Variants in DNHD1 observed in about 807,000 individuals in gnomAD.
DNHD1 encodes dynein heavy chain domain 1.
In DNHD1, 383 loss-of-function variants were observed where a neutral mutation model predicts 458.1. That is an observed-to-expected ratio of 0.84 (90% CI 0.77 to 0.91). The LOEUF (loss-of-function observed/expected upper bound fraction) is 0.91, where lower values mean the gene tolerates loss of function less well. Among genes scored for constraint, DNHD1 ranks in the 40% least tolerant of loss-of-function variants. The probability of loss-of-function intolerance (pLI) is 0.00; values close to 1 mark genes in which losing one functional copy is unlikely to be tolerated. For missense variants in DNHD1, 5,336 were observed against 5,866.1 expected (o/e 0.91, Z 2.95); for synonymous variants, 2,203 against 2,376.9 (o/e 0.93, Z 2.13).
Position 6,533,947 on chromosome 11 carries a change from GTT to G in DNHD1, c.2773_2774del (p.Phe925ProfsTer46). 1 of 1,551,244 alleles carries G rather than the reference GTT, an allele frequency of 6.4e-7. No individual in the cohort carries two copies. The highest frequency in any genetic ancestry group is 8.7e-7 in the Non-Finnish European group (1 of 1,146,944). On this transcript the variant is annotated frameshift_variant, in exon 14 of 43. Coordinates refer to ENST00000254579, the MANE Select transcript of DNHD1 (RefSeq NM_144666.3). LOFTEE classifies it high-confidence loss of function. ...AGTTTGAGAAAAGCCAGGCTTCAGA[GTT>G]CCTGCTCAGCAAGCGACATGCCATT... ...FQFEKSQASE[F>X]LLSKRHAIMP...
intron 12 of DNHD1, 104 bp from the exon 13 acceptor site, chr11:6,532,923 G>T: frequency 9.5e-7 from 1 of 1,058,144 alleles, no homozygotes; most frequent in South Asian, 1.6e-5. Context: ...GATAATTCAT[G>T]GTCTGACCTG....
In DNHD1 at chr11:6,570,194, C is replaced by T. The variant is rs139243337; in HGVS notation, c.12956-53C>T. ...ATACAATTCACAGCTTTGGTTTTGG[C>T]GGTGGTGGAAACTGAAGGTACTGGA... On this transcript the variant is annotated intron_variant, in intron 40 of 42. Transcript: ENST00000254579. 1,063 of 1,613,264 alleles carry T rather than the reference C, an allele frequency of 6.6e-4. 10 individuals are homozygous for T. In the African/African-American group the frequency reaches 0.011, roughly 17 times the overall value.
rs759783151 is a variant in DNHD1, at chr11:6,563,934, G to A, written c.10094G>A (p.Gly3365Asp). Reference protein sequence around the residue: ...ATLTREQARLGYYQFQAQETL... With the variant: ...ATLTREQARLDYYQFQAQETL... ...CTCACTCGGGAGCAGGCCCGCCTGG[G>A]CTACTACCAGTTTCAGGCCCAGGAG... Residue 3365 changes from glycine (G) to aspartate (D), a missense_variant, in exon 31 of 43, where the codon GGC becomes GAC. By Grantham distance (94) the Gly-to-Asp change is moderately conservative (BLOSUM62 -1). Around this residue, in one of 4 missense-constraint regions of DNHD1, gnomAD observed 3,932 missense variants for 4,365.6 expected, o/e 0.90. Coordinates refer to ENST00000254579, the MANE Select transcript of DNHD1 (RefSeq NM_144666.3). The A allele has an allele frequency of 1.5e-5, 24 of 1,551,682 alleles. No individual in the cohort carries two copies. The highest frequency in any genetic ancestry group is 2.0e-5 in the Non-Finnish European group (23 of 1,147,002).
In DNHD1 at chr11:6,558,607, A is replaced by T. The variant is rs575796109; in HGVS notation, c.9125A>T (p.Asp3042Val). The stretch of plus-strand genomic sequence containing the variant: ...CTTCAACTGGCCACTGCCAGCATTG[A>T]CCGCTATGAACCCTGGGACCAAGCT... ...RLLQLATASI[D>V]RYEPWDQAAL... is the part of the protein sequence containing the mutation. Residue 3042 changes from aspartate to valine, a missense_variant, in exon 26 of 43, where the codon GAC becomes GTC. Physicochemically the swap from Asp to Val is radical, Grantham distance 152. Transcript: ENST00000254579. The T allele has an allele frequency of 2.2e-4, 335 of 1,551,620 alleles. 4 individuals carry two copies. The South Asian group carries it at 3.8e-3, about 18-fold the overall frequency.
intron 24 of DNHD1, 81 bp from the exon 25 acceptor site, chr11:6,556,602 T>C: frequency 7.4e-7 from 1 of 1,351,782 alleles, no homozygotes; most frequent in East Asian, 2.5e-5. Flanking sequence ...TAGAACCGTG[T>C]GTGGCAGGAA....
chr11:6,539,981 G>A lies in DNHD1; in HGVS notation c.3526G>A (p.Val1176Ile), dbSNP rs1853061526. The change falls in exon 18 of 43, where the codon GTA becomes ATA. Residue 1176 changes from valine (V) to isoleucine (I), a missense_variant. Coordinates refer to ENST00000254579, the MANE Select transcript of DNHD1 (RefSeq NM_144666.3). ...QLRLLNFILH[V>I]PYEPPASERS... The stretch of plus-strand genomic sequence containing the variant: ...GCGCCTGCTCAACTTCATCCTGCAT[G>A]TACCCTACGAGCCCCCAGCCTCAGA... 1.3e-6 allele frequency: 2 copies of A among 1,551,642 alleles called. No homozygotes were observed. The highest frequency in any genetic ancestry group is 2.7e-5 in the African/African-American group (2 of 73,076).
At position 6,568,716 on chromosome 11, in the gene DNHD1, T is replaced by G; in HGVS notation, c.12713T>G (p.Leu4238Arg). 2 of 1,613,878 alleles carry G rather than the reference T, an allele frequency of 1.2e-6. No individual in the cohort carries two copies. Among genetic ancestry groups the G allele is most frequent in the Middle Eastern group, 1.6e-4 (1 of 6,062 alleles). The change falls in exon 39 of 43, where the codon CTG (leucine) becomes CGG (arginine). Residue 4238 changes from leucine to arginine, a missense_variant. Physicochemically the swap from Leu to Arg is moderately radical, Grantham distance 102 (BLOSUM62 -2). This residue lies in a region of DNHD1 where 695 missense variants were observed against 804.2 expected (regional missense o/e 0.86). Transcript: ENST00000254579. ...GTTTTCTGGAACCAGTCCCTGGAGC[T>G]GGGCCATGTTTTGATTGACAGTGTG... ...MPVFWNQSLELGHVLIDSVEL... is the reference protein window; with the variant it reads ...MPVFWNQSLERGHVLIDSVEL...
intron 7 of DNHD1, among the ~76,000 whole-genome samples, chr11:6,514,329 C>G (rs1298873381): frequency 2.0e-5 from 3 of 152,166 alleles, no homozygotes; most frequent in African/African-American, 7.2e-5. Flanking sequence ...GTCTTGAACT[C>G]CTGATCTCAA....
In DNHD1 at chr11:6,547,432, C is replaced by A. The variant is rs1162517932; in HGVS notation, c.6493C>A (p.Pro2165Thr). ...ACTTAGTGCCCTGATGGCATCCCTT[C>A]CTTATGAGTACCGCCTGCAGCACCG... ...CILSALMASL[P>T]YEYRLQHRTV... Residue 2165 changes from proline to threonine, a missense_variant, in exon 21 of 43, where the codon CCT (proline) becomes ACT (threonine). This residue lies in a region of DNHD1 where 3,932 missense variants were observed against 4,365.6 expected (regional missense o/e 0.90). Coordinates refer to ENST00000254579, the MANE Select transcript of DNHD1 (RefSeq NM_144666.3). 2.6e-6 allele frequency: 4 copies of A among 1,551,732 alleles called. No individual in the cohort carries two copies. Among genetic ancestry groups the A allele is most frequent in the Non-Finnish European group, 3.5e-6 (4 of 1,146,974 alleles).
At chr11:6,533,450 A>T (rs1007940078) in intron 13 of DNHD1, among the ~76,000 whole-genome samples, 4 of 152,160 alleles carry the variant, frequency 2.6e-5, no homozygotes, top group African/African-American at 9.7e-5. Flanking sequence ...CATCAAGGTA[A>T]TGGGGTGGTG....
chr11:6,507,266 T>A (rs1852246986), intron 4 of DNHD1, among the ~76,000 whole-genome samples: 2 of 152,322 alleles, frequency 1.3e-5, no homozygotes, highest in African/African-American at 4.8e-5. Flanking sequence ...CACTGCTGTA[T>A]CCTCAGTGGC....
At chr11:6,551,122 T>A (rs2134437119) in intron 24 of DNHD1, among the ~76,000 whole-genome samples, 1 of 152,242 alleles carries the variant, frequency 6.6e-6, no homozygotes, top group Non-Finnish European at 1.5e-5. Flanking sequence ...CTCAACAAAT[T>A]TCAAAGGATT....
In DNHD1 at chr11:6,497,903, C is replaced by T. The variant is rs1284510422; in HGVS notation, c.-313C>T. 1.7e-5 allele frequency: 6 copies of T among 362,936 alleles called. No individual in the cohort carries two copies. Among genetic ancestry groups the T allele is most frequent in the African/African-American group, 1.0e-4 (5 of 48,782 alleles). 22.5% of individuals were successfully genotyped at this position (362,936 alleles called of 1,614,324 possible). A position where few individuals can be genotyped will look rare whatever the true frequency, so the allele number is the denominator to read the frequency against. ...AACTCTTCTGCAAGGAGGGCTCTCACGTCTGTCTTAGGCCTGCTCCTTACC... is the reference window on the plus strand; with the variant it reads ...AACTCTTCTGCAAGGAGGGCTCTCATGTCTGTCTTAGGCCTGCTCCTTACC... On this transcript the variant is annotated 5_prime_UTR_variant, in exon 3 of 43. The change creates a new upstream start codon in the 5' untranslated region. Transcript: ENST00000254579.
chr11:6,557,623 A>G lies in DNHD1; in HGVS notation c.8328A>G (p.Ala2776=), dbSNP rs565481752. 4.3e-5 allele frequency: 66 copies of G among 1,551,796 alleles called. 1 individual carries two copies. In the South Asian group the frequency reaches 7.4e-4, roughly 17 times the overall value. ...HKIRQEKGTR[A]SNYRLQVRRS... is the part of the protein sequence containing the mutation. ...TAAGGCAAGAGAAAGGCACAAGGGC[A>G]TCCAACTATAGGCTCCAGGTAAGGA... is the stretch of plus-strand genomic sequence containing the variant. The change falls in exon 25 of 43, where the codon GCA becomes GCG. Residue 2776 remains alanine (A), a synonymous_variant. Coordinates refer to ENST00000254579, the MANE Select transcript of DNHD1 (RefSeq NM_144666.3).
chr11:6,516,496 C>T (rs1253082835), intron 7 of DNHD1, among the ~76,000 whole-genome samples: 4 of 151,686 alleles, frequency 2.6e-5, no homozygotes, highest in Non-Finnish European at 4.4e-5. Flanking sequence ...TAGGGTTTCG[C>T]CTCATTGGCC....
In DNHD1 at chr11:6,556,883, A is replaced by G. The variant is rs1453666837; in HGVS notation, c.7588A>G (p.Met2530Val). Reference sequence around the variant, plus strand: ...CTTCACAGTCCTGGCCCTGGAAAGCATGACCCAGGCCACCCTGCTGGAAAG... The same window carrying G: ...CTTCACAGTCCTGGCCCTGGAAAGCGTGACCCAGGCCACCCTGCTGGAAAG... ...RLFTVLALES[M>V]TQATLLERHV... The change falls in exon 25 of 43, where the codon ATG becomes GTG. Residue 2530 changes from methionine (M) to valine (V), a missense_variant. Coordinates refer to ENST00000254579, the MANE Select transcript of DNHD1 (RefSeq NM_144666.3). The G allele has an allele frequency of 7.1e-6, 11 of 1,551,580 alleles. No homozygotes were observed. Among genetic ancestry groups the G allele is most frequent in the Non-Finnish European group, 9.6e-6 (11 of 1,147,002 alleles).
chr11:6,529,403 C>T (rs868615216), intron 12 of DNHD1, among the ~76,000 whole-genome samples: 3 of 152,150 alleles, frequency 2.0e-5, no homozygotes, highest in Non-Finnish European at 2.9e-5. Flanking sequence ...TACAGAGATT[C>T]TTGGGAATCT....
At chr11:6,517,332 G>C (rs1852496109) in intron 7 of DNHD1, among the ~76,000 whole-genome samples, 1 of 152,124 alleles carries the variant, frequency 6.6e-6, no homozygotes, top group African/African-American at 2.4e-5. Flanking sequence ...CCTTTGAATA[G>C]AACTGTCATA....
At chr11:6,536,140 A>C (rs1428412583) in intron 14 of DNHD1, among the ~76,000 whole-genome samples, 1 of 150,660 alleles carries the variant, frequency 6.6e-6, no homozygotes, top group African/African-American at 2.5e-5. Context: ...TTCTATGAAC[A>C]AAAAAAATGG....
Sources: gnomAD v4.1 joint callset for allele counts (sites outside exome capture counted in the v4.1 genomes callset) on GRCh38, gnomAD v4.1.1 for gene constraint, gnomAD v4.1.1 regional missense constraint, MANE v1.5 for transcripts, NCBI Gene and HGNC (gene_info 2026-07-23, HGNC 2026-07-21) for gene names.